LUZP1: variants seen among roughly 807,000 people sequenced by gnomAD.
The protein encoded by LUZP1 is leucine zipper protein 1, also known as filamin mechanobinding actin cross-linking protein.
In LUZP1, 25 loss-of-function variants were observed where a neutral mutation model predicts 71.3. The observed-to-expected ratio is 0.35, with a 90% CI of 0.26 to 0.49. LUZP1 has a LOEUF of 0.49. LUZP1 is among the 20% of genes least tolerant of loss of function. The pLI, the probability that LUZP1 is intolerant of heterozygous loss-of-function variation, is 0.99. For missense variants in LUZP1, 1,142 were observed against 1,300.8 expected, an observed-to-expected ratio of 0.88 and a Z score of 1.88; for synonymous variants, 481 against 506.4, an observed-to-expected ratio of 0.95 and a Z score of 0.67.
intron 2 of LUZP1, among the ~76,000 whole-genome samples, chr1:23,132,799 C>A (rs1644225037): frequency 6.6e-6 from 1 of 152,140 alleles, no homozygotes; most frequent in South Asian, 2.1e-4. Flanking sequence ...ATTCTATCAA[C>A]TTTTCTATGT....
chr1:23,173,350 C>CTTTTTTTTTTTTT (rs869169060), intron 1 of LUZP1, among the ~76,000 whole-genome samples: 11 of 80,358 alleles, frequency 1.4e-4, no homozygotes, highest in Non-Finnish European at 2.2e-4. Context: ...TTTGTTTTTT[C>CTTTTTTTTTTTTT]TTTTTTTTTT....
intron 2 of LUZP1, among the ~76,000 whole-genome samples, chr1:23,144,005 T>C (rs1340457681): frequency 6.6e-6 from 1 of 152,190 alleles, no homozygotes; most frequent in African/African-American, 2.4e-5. Context: ...TATGCTTTGA[T>C]TGTTATACTC....
At chr1:23,164,416 C>T (rs1644494111) in intron 2 of LUZP1, among the ~76,000 whole-genome samples, 1 of 150,984 alleles carries the variant, frequency 6.6e-6, no homozygotes, top group Non-Finnish European at 1.5e-5. Context: ...GGCGTGAACC[C>T]GGGAGGCGGA....
chr1:23,142,697 AT>A (rs1644313575), intron 2 of LUZP1, among the ~76,000 whole-genome samples: 1 of 61,248 alleles, frequency 1.6e-5, no homozygotes, highest in Non-Finnish European at 2.9e-5. Flanking sequence ...ATATATATAT[AT>A]ATACACACAC....
At chr1:23,086,341 T>C (rs1643765897) in exon 5 of LUZP1, 1 of 152,634 alleles carries the variant, frequency 6.6e-6, no homozygotes, top group Non-Finnish European at 1.5e-5. Context: ...AAACAAAATA[T>C]CCTGAAATAA....
At chr1:23,114,325 G>GA (rs552375764) in intron 2 of LUZP1, among the ~76,000 whole-genome samples, 3 of 152,054 alleles carry the variant, frequency 2.0e-5, no homozygotes, top group Non-Finnish European at 4.4e-5. Context: ...GATTGTTCAG[G>GA]AAAAAAGCCA....
chr1:23,173,343 G>GTTTTTTT (rs1557704121), intron 1 of LUZP1, among the ~76,000 whole-genome samples: 4 of 102,722 alleles, frequency 3.9e-5, no homozygotes, highest in Non-Finnish European at 6.3e-5. Context: ...TTTTGTTTTT[G>GTTTTTTT]TTTTTTCTTT....
exon 4 of LUZP1, chr1:23,092,676 T>TCAGAGGAGG: frequency 6.2e-7 from 1 of 1,614,104 alleles, no homozygotes; most frequent in Non-Finnish European, 8.5e-7. Context: ...GTCAGAAGCC[T>TCAGAGGAGG]TGTCAGCTCT....
intron 2 of LUZP1, among the ~76,000 whole-genome samples, chr1:23,133,139 A>G (rs1644226833): frequency 6.6e-6 from 1 of 152,198 alleles, no homozygotes; most frequent in South Asian, 2.1e-4. Context: ...TGAAGACCCA[A>G]TCTTTCAGCC....
chr1:23,140,009 GT>G (rs1644290140), intron 2 of LUZP1, among the ~76,000 whole-genome samples: 2 of 151,926 alleles, frequency 1.3e-5, no homozygotes, highest in African/African-American at 4.8e-5. Flanking sequence ...AGGCCATTAA[GT>G]TTTGGAGAAG....
At chr1:23,166,739 G>A (rs1483594976) in intron 2 of LUZP1, among the ~76,000 whole-genome samples, 8 of 150,072 alleles carry the variant, frequency 5.3e-5, no homozygotes, top group African/African-American at 1.7e-4. Context: ...ATACCACCTA[G>A]CATAATTACT....
At position 23,151,950 on chromosome 1, in the gene LUZP1, C is replaced by G. The variant is rs535869865; in HGVS notation, c.-226+16816G>C. Among the ~76,000 whole-genome samples, 10 of 146,922 alleles carry G rather than the reference C, an allele frequency of 6.8e-5. No homozygotes were observed. The South Asian group carries it at 1.9e-3, about 28-fold the overall frequency. On this transcript the variant is annotated intron_variant, in intron 2 of 4. Coordinates refer to ENST00000302291, the Ensembl canonical transcript of LUZP1. ...CCAGGAGGCGGAGGTTGCAGTGAGC[C>G]AAGATCACGCCACTGCACTCCAACC...
At chr1:23,089,719 A>G (rs1340417725) in intron 4 of LUZP1, among the ~76,000 whole-genome samples, 2 of 150,850 alleles carry the variant, frequency 1.3e-5, no homozygotes, top group African/African-American at 4.9e-5. Context: ...CAGCCTCCCA[A>G]GTAGCTGGGA....
chr1:23,101,208 G>A (rs767057001), intron 3 of LUZP1, among the ~76,000 whole-genome samples: 5 of 152,132 alleles, frequency 3.3e-5, no homozygotes, highest in East Asian at 1.9e-4. Flanking sequence ...ATGTTCCTAC[G>A]TTACTCCACG....
At chr1:23,095,755 A>T (rs1475942269) in intron 3 of LUZP1, among the ~76,000 whole-genome samples, 1 of 152,170 alleles carries the variant, frequency 6.6e-6, no homozygotes, top group Non-Finnish European at 1.5e-5. Context: ...ATCCCTAGAG[A>T]ATTTATAATC....
exon 4 of LUZP1, chr1:23,092,201 C>A: frequency 6.2e-7 from 1 of 1,614,116 alleles, no homozygotes; most frequent in South Asian, 1.1e-5. Flanking sequence ...TAGAGTTAGG[C>A]TGTGGTTTGG....
Position 23,094,455 on chromosome 1 carries a change from T to G in LUZP1, c.-119-75A>C. The G allele has an allele frequency of 9.0e-7, 1 of 1,116,098 alleles. No individual in the cohort carries two copies. The highest frequency in any genetic ancestry group is 2.2e-5 in the South Asian group (1 of 45,792). The allele number at this position is 1,116,098 out of a possible 1,614,324, so 69.1% of individuals were successfully genotyped here. On this transcript the variant is annotated intron_variant, in intron 3 of 4. Coordinates refer to ENST00000302291, the Ensembl canonical transcript of LUZP1. The surrounding 1 kb of genome is among the most constrained non-coding windows in gnomAD (Gnocchi z 4.7). ...ACGTTAGCTCCCAGTTATAGAAAAG[T>G]GCTCCTATCTGTTCCTGGTGCCTGG...
chr1:23,106,997 C>T (rs1442230215), intron 3 of LUZP1, among the ~76,000 whole-genome samples: 1 of 152,250 alleles, frequency 6.6e-6, no homozygotes, highest in African/African-American at 2.4e-5. Flanking sequence ...CATCACTCAT[C>T]TGCTGCTCCT....
At chr1:23,172,864 C>T (rs1442286536) in intron 1 of LUZP1, among the ~76,000 whole-genome samples, 4 of 151,526 alleles carry the variant, frequency 2.6e-5, no homozygotes, top group African/African-American at 4.8e-5. Context: ...GACAGAGTCT[C>T]GCTCTGTTGC....
Sources: allele counts gnomAD v4.1 joint callset (sites outside exome capture counted in the v4.1 genomes callset), GRCh38; gene constraint gnomAD v4.1.1; non-coding constraint Gnocchi (gnomAD v3.1); transcripts MANE v1.5; gene names NCBI Gene and HGNC (gene_info 2026-07-23, HGNC 2026-07-21).